Variants in RAB38 observed in about 807,000 individuals in gnomAD.
RAB38 encodes ras-related protein Rab-38.
RAB38 carries 15 observed loss-of-function variants against 18.4 expected under a neutral mutation model. The ratio of observed to expected loss-of-function variants is 0.82; its 90% CI spans 0.55 to 1.26. The LOEUF (loss-of-function observed/expected upper bound fraction) is 1.26, where lower values mean the gene tolerates loss of function less well. RAB38 is among the 50% of genes most tolerant of loss of function. RAB38 has a pLI of 0.00. For missense variants in RAB38, 294 were observed against 267.4 expected (o/e 1.10, Z -0.69); for synonymous variants, 101 against 104.4 (o/e 0.97, Z 0.20).
At chr11:87,863,843 A>C in the RAB38 span, among the ~76,000 whole-genome samples, 8 of 151,894 alleles carry the variant, frequency 5.3e-5, no homozygotes, top group East Asian at 1.4e-3. Context: ...TTTACTAAAA[A>C]TGTCTAAGCA....
the RAB38 span, among the ~76,000 whole-genome samples, chr11:87,870,265 AC>A: frequency 4.0e-4 from 61 of 151,652 alleles, no homozygotes; most frequent in African/African-American, 1.4e-3. Context: ...AAAAGCTTTC[AC>A]AGTTCTGTGA....
At chr11:87,824,457 A>G in the RAB38 span, among the ~76,000 whole-genome samples, 5 of 152,204 alleles carry the variant, frequency 3.3e-5, no homozygotes. Flanking sequence ...AGTCAGAAAA[A>G]TGAACATAAA....
At chr11:87,805,615 A>ACACACATG in the RAB38 span, among the ~76,000 whole-genome samples, 1 of 144,072 alleles carries the variant, frequency 6.9e-6, no homozygotes, top group African/African-American at 2.6e-5. Flanking sequence ...ACACACACAC[A>ACACACATG]CACACACGCA....
the RAB38 span, among the ~76,000 whole-genome samples, chr11:88,027,884 C>A: frequency 6.6e-6 from 1 of 152,182 alleles, no homozygotes; most frequent in Admixed American, 6.5e-5. Context: ...GTGGTTCTCC[C>A]AGCATGCAGC....
At chr11:87,845,002 T>C in the RAB38 span, among the ~76,000 whole-genome samples, 1 of 152,224 alleles carries the variant, frequency 6.6e-6, no homozygotes, top group Non-Finnish European at 1.5e-5. Context: ...TTCCAAATCA[T>C]GCATATTTAT....
At chr11:87,833,301 G>C in the RAB38 span, among the ~76,000 whole-genome samples, 11 of 152,028 alleles carry the variant, frequency 7.2e-5, no homozygotes, top group African/African-American at 9.7e-5. Flanking sequence ...CCTACTTGTA[G>C]TTTCTTGTAT....
the RAB38 span, among the ~76,000 whole-genome samples, chr11:87,886,232 C>T: frequency 1.8e-3 from 272 of 152,008 alleles, 1 homozygote; most frequent in Middle Eastern, 0.017. Flanking sequence ...CCTTTGACTC[C>T]GCCGGACTTT....
the RAB38 span, among the ~76,000 whole-genome samples, chr11:87,906,322 C>A: frequency 1.3e-5 from 2 of 151,892 alleles, no homozygotes; most frequent in African/African-American, 4.8e-5. Flanking sequence ...AACTTATAAC[C>A]ATTTGATTAG....
the RAB38 span, among the ~76,000 whole-genome samples, chr11:87,911,788 G>C: frequency 6.6e-6 from 1 of 152,034 alleles, no homozygotes; most frequent in East Asian, 1.9e-4. Flanking sequence ...CATGCTTGCT[G>C]TGTTTCTTAT....
At chr11:87,908,448 A>C in the RAB38 span, among the ~76,000 whole-genome samples, 1 of 152,036 alleles carries the variant, frequency 6.6e-6, no homozygotes, top group African/African-American at 2.4e-5. Context: ...ATGGAAATTT[A>C]AGGCTTCAAG....
At chr11:87,936,182 G>A in the RAB38 span, among the ~76,000 whole-genome samples, 7 of 151,620 alleles carry the variant, frequency 4.6e-5, no homozygotes, top group Admixed American at 2.0e-4. Flanking sequence ...TTTATGGATC[G>A]TGCTTTTGGT....
At chr11:88,095,255 C>T in the RAB38 span, among the ~76,000 whole-genome samples, 1 of 152,048 alleles carries the variant, frequency 6.6e-6, no homozygotes, top group East Asian at 1.9e-4. Context: ...CATTTCTCTG[C>T]TTCATTTCCA....
the RAB38 span, among the ~76,000 whole-genome samples, chr11:87,806,689 G>GA: frequency 3.3e-5 from 5 of 151,834 alleles, no homozygotes; most frequent in African/African-American, 9.7e-5. Flanking sequence ...AGATATAACT[G>GA]AAAAAAATAT....
the RAB38 span, among the ~76,000 whole-genome samples, chr11:87,956,965 T>C: frequency 2.6e-5 from 3 of 115,382 alleles, no homozygotes; most frequent in Non-Finnish European, 3.8e-5. Flanking sequence ...TGAACCTAAG[T>C]ATAAAAATGC....
chr11:88,045,435 T>G, the RAB38 span, among the ~76,000 whole-genome samples: 19,777 of 152,124 alleles, frequency 0.13, 1,469 homozygotes, highest in Middle Eastern at 0.15. Context: ...CAGGCATTCC[T>G]CCAGGCCTGC....
At chr11:87,978,072 A>C in the RAB38 span, among the ~76,000 whole-genome samples, 40 of 99,260 alleles carry the variant, frequency 4.0e-4, 2 homozygotes, top group East Asian at 1.1e-3. Flanking sequence ...CATCATATAT[A>C]AATATATAGG....
the RAB38 span, among the ~76,000 whole-genome samples, chr11:87,890,304 T>TCAAA: frequency 6.6e-6 from 1 of 151,828 alleles, no homozygotes. Flanking sequence ...ATTTTAAAGT[T>TCAAA]CAAACACATT....
intron 2 of RAB38, among the ~76,000 whole-genome samples, chr11:88,120,622 T>C (rs1942617255): frequency 6.6e-6 from 1 of 152,176 alleles, no homozygotes; most frequent in South Asian, 2.1e-4. Flanking sequence ...TGGGATATAG[T>C]GAAGAGAAAG....
chr11:87,916,757 T>C, the RAB38 span, among the ~76,000 whole-genome samples: 2 of 152,188 alleles, frequency 1.3e-5, no homozygotes, highest in South Asian at 2.1e-4. Context: ...GTAGGCAATG[T>C]ATAGTTGAAT....
Sources: gnomAD v4.1 joint callset for allele counts (sites outside exome capture counted in the v4.1 genomes callset) on GRCh38, gnomAD v4.1.1 for gene constraint, MANE v1.5 for transcripts, NCBI Gene and HGNC (gene_info 2026-07-23, HGNC 2026-07-21) for gene names.